FANCA: variants seen among roughly 807,000 people sequenced by gnomAD.
FANCA encodes FA complementation group A.
In FANCA, 236 loss-of-function variants were observed where a neutral mutation model predicts 194.3. The observed-to-expected ratio is 1.21, with a 90% CI of 1.09 to 1.35. FANCA has a LOEUF of 1.35. Among genes scored for constraint, FANCA ranks in the 40% most tolerant of loss-of-function variants. The probability of loss-of-function intolerance (pLI) is 0.00; values close to 1 mark genes in which losing one functional copy is unlikely to be tolerated. For synonymous variants in FANCA, 1,014 were observed against 715.8 expected (o/e 1.42, Z -6.65); for missense variants, 2,628 against 1,813.9 (o/e 1.45, Z -8.15).
rs546829400 is a variant in FANCA, at chr16:89,764,859, G to C, written c.2778+31C>G. ...ACACAAACCCTAGACTCAGGACGTGGCATGATGCAGGAGAAGGAACGGTCA... is the reference window on the plus strand; with the variant it reads ...ACACAAACCCTAGACTCAGGACGTGCCATGATGCAGGAGAAGGAACGGTCA... On this transcript the variant is annotated intron_variant, in intron 28 of 42. Coordinates refer to ENST00000389301, the MANE Select transcript of FANCA (RefSeq NM_000135.4). 5 of 1,609,716 alleles carry C rather than the reference G, an allele frequency of 3.1e-6. No individual in the cohort carries two copies. The African/African-American group carries it at 5.3e-5, about 17-fold the overall frequency.
At chr16:89,808,966 C>T (rs947775580) in intron 5 of FANCA, among the ~76,000 whole-genome samples, 13 of 151,718 alleles carry the variant, frequency 8.6e-5, no homozygotes, top group Middle Eastern at 3.4e-3. Context: ...AGTGCAGTGG[C>T]GCCATCTCGG....
intron 21 of FANCA, among the ~76,000 whole-genome samples, chr16:89,774,082 T>G (rs1351781698): frequency 6.6e-6 from 1 of 151,934 alleles, no homozygotes; most frequent in East Asian, 1.9e-4. Flanking sequence ...ACTTTCAATA[T>G]AAAAAGGAAG....
At chr16:89,745,879 C>T (rs1444272787) in intron 35 of FANCA, among the ~76,000 whole-genome samples, 3 of 152,228 alleles carry the variant, frequency 2.0e-5, no homozygotes, top group Admixed American at 1.3e-4. Context: ...TGAGAGGTGG[C>T]GTTCTAAACA....
chr16:89,738,655 G>A lies in FANCA; in HGVS notation c.4314C>T (p.Ser1438=). 1 of 1,613,600 alleles carries A rather than the reference G, an allele frequency of 6.2e-7. No homozygotes were observed. Among genetic ancestry groups the A allele is most frequent in the Non-Finnish European group, 8.5e-7 (1 of 1,180,032 alleles). The stretch of plus-strand genomic sequence containing the variant: ...CAGCGTCAGGGGCAGCCTGCTGTCT[G>A]CTCTGGAGGGCGGCGCTCACCTCTG... ...CDPEVSAALQ[S]RQQAAPDADL... Residue 1438 remains serine, a synonymous_variant, in exon 43 of 43, where the codon AGC becomes AGT. Transcript: ENST00000389301.
intron 11 of FANCA, among the ~76,000 whole-genome samples, chr16:89,793,747 C>G (rs907814931): frequency 1.3e-5 from 2 of 151,894 alleles, no homozygotes; most frequent in Non-Finnish European, 2.9e-5. Flanking sequence ...TACCCAGATA[C>G]TTTTTGTATT....
intron 11 of FANCA, among the ~76,000 whole-genome samples, chr16:89,794,879 A>G (rs1229844047): frequency 6.6e-6 from 1 of 152,234 alleles, no homozygotes; most frequent in Non-Finnish European, 1.5e-5. Flanking sequence ...GCTGAGAACC[A>G]TGACACAGTC....
intron 8 of FANCA, among the ~76,000 whole-genome samples, chr16:89,800,156 T>C (rs2040394874): frequency 6.6e-6 from 1 of 152,224 alleles, no homozygotes; most frequent in Non-Finnish European, 1.5e-5. Context: ...GCCATGAGCC[T>C]AGGGCTGGGC....
intron 14 of FANCA, chr16:89,791,105 A>T: frequency 2.3e-6 from 1 of 440,968 alleles, no homozygotes; most frequent in South Asian, 2.7e-5. Context: ...TTTTCTTATA[A>T]AAGACAGCAG....
chr16:89,747,226 G>C (rs2038421932), intron 33 of FANCA, among the ~76,000 whole-genome samples: 1 of 152,200 alleles, frequency 6.6e-6, no homozygotes, highest in African/African-American at 2.4e-5. Flanking sequence ...CTAATACCAA[G>C]GGCCAACCAT....
intron 12 of FANCA, 125 bp from the exon 13 acceptor site, chr16:89,792,193 T>C (rs2040099700): frequency 8.5e-7 from 1 of 1,170,762 alleles, no homozygotes. Flanking sequence ...AGGTAACACA[T>C]GGAGCTGTGA....
At chr16:89,764,094 T>A (rs2143280780) in intron 28 of FANCA, among the ~76,000 whole-genome samples, 1 of 150,778 alleles carries the variant, frequency 6.6e-6, no homozygotes, top group East Asian at 2.0e-4. Flanking sequence ...ATACCAAAAT[T>A]AGTCGGGCGT....
chr16:89,805,466 T>G, intron 6 of FANCA, 74 bp from the exon 7 acceptor site: 1 of 1,242,736 alleles, frequency 8.0e-7, no homozygotes, highest in Non-Finnish European at 1.2e-6. Flanking sequence ...GAGCCATATG[T>G]CCCAATTTTT....
intron 14 of FANCA, among the ~76,000 whole-genome samples, chr16:89,790,725 G>A (rs1176776755): frequency 2.0e-5 from 3 of 151,190 alleles, no homozygotes; most frequent in Non-Finnish European, 2.9e-5. Context: ...GGGCGACAGA[G>A]GAAGACTCCA....
intron 6 of FANCA, among the ~76,000 whole-genome samples, 183 bp from the exon 7 acceptor site, chr16:89,805,575 C>T (rs916435246): frequency 6.6e-6 from 1 of 152,132 alleles, no homozygotes; most frequent in Admixed American, 6.5e-5. Flanking sequence ...CCTTCCACCT[C>T]AGCCTCCTGA....
chr16:89,777,062 T>TG (rs1233301841), intron 20 of FANCA, among the ~76,000 whole-genome samples: 1 of 152,076 alleles, frequency 6.6e-6, no homozygotes, highest in Non-Finnish European at 1.5e-5. Context: ...ATTTACAAAA[T>TG]GGCTGGGTGT....
chr16:89,796,994 T>TA (rs58892060), intron 10 of FANCA, among the ~76,000 whole-genome samples: 19,798 of 151,588 alleles, frequency 0.13, 2,445 homozygotes, highest in East Asian at 0.62. Context: ...CCATCTCTAC[T>TA]AAAAAAATAG....
intron 17 of FANCA, among the ~76,000 whole-genome samples, chr16:89,781,363 C>CAAA (rs775937692): frequency 0.022 from 1,303 of 60,406 alleles, 46 homozygotes; most frequent in African/African-American, 0.073. Context: ...GACTCCATTC[C>CAAA]AAAAAAAAAA....
chr16:89,766,241 C>T (rs1203501561), intron 27 of FANCA, among the ~76,000 whole-genome samples: 12 of 151,640 alleles, frequency 7.9e-5, no homozygotes, highest in Admixed American at 2.6e-4. Flanking sequence ...ATGATCTGCC[C>T]GCCTCGGCCT....
In FANCA at chr16:89,778,670, T is replaced by C. The variant is rs143746616; in HGVS notation, c.1826+131A>G. 1.1e-5 allele frequency: 7 copies of C among 637,044 alleles called. No homozygotes were observed. The East Asian group carries it at 2.5e-4, about 23-fold the overall frequency. The allele number at this position is 637,044 out of a possible 1,614,324, so 39.5% of individuals were successfully genotyped here. ...AAAAAAAAAAAAAGTAACCAACCAA[T>C]TTTGGAGCCAATATTTTACCAATAA... is the stretch of plus-strand genomic sequence containing the variant. On this transcript the variant is annotated intron_variant, in intron 20 of 42. Coordinates refer to ENST00000389301, the MANE Select transcript of FANCA (RefSeq NM_000135.4).
Sources: allele counts gnomAD v4.1 joint callset (sites outside exome capture counted in the v4.1 genomes callset), GRCh38; gene constraint gnomAD v4.1.1; transcripts MANE v1.5; gene names NCBI Gene and HGNC (gene_info 2026-07-23, HGNC 2026-07-21).